Variants in SLC35D4 observed in about 807,000 individuals in gnomAD.
The protein encoded by SLC35D4 is UDP-N-acetylglucosamine transporter SLC35D4.
chr18:23,371,300 G>T, the SLC35D4 span: 4 of 706,236 alleles, frequency 5.7e-6, no homozygotes, highest in South Asian at 4.7e-5. Context: ...TCTCAAGGTT[G>T]CCCAGGCTGG....
chr18:23,324,836 G>A, the SLC35D4 span, among the ~76,000 whole-genome samples: 5 of 152,148 alleles, frequency 3.3e-5, no homozygotes, highest in Admixed American at 2.6e-4. Context: ...AGTGTGCTGT[G>A]GTTAAAGGCC....
the SLC35D4 span, among the ~76,000 whole-genome samples, chr18:23,276,149 G>A: frequency 6.6e-6 from 1 of 151,442 alleles, no homozygotes; most frequent in South Asian, 2.1e-4. Flanking sequence ...GTGCAGTGGC[G>A]CAATCTCGGC....
At chr18:23,324,880 A>G in the SLC35D4 span, among the ~76,000 whole-genome samples, 2 of 152,182 alleles carry the variant, frequency 1.3e-5, no homozygotes, top group Non-Finnish European at 2.9e-5. Context: ...GAAGAGAGTG[A>G]AAAAATCATA....
the SLC35D4 span, among the ~76,000 whole-genome samples, chr18:23,274,810 C>A: frequency 6.6e-6 from 1 of 152,240 alleles, no homozygotes; most frequent in Non-Finnish European, 1.5e-5. Context: ...GCCTCCCCCA[C>A]ACACTCCCTG....
the SLC35D4 span, among the ~76,000 whole-genome samples, chr18:23,340,343 A>AG: frequency 6.6e-6 from 1 of 152,062 alleles, no homozygotes; most frequent in Non-Finnish European, 1.5e-5. Context: ...TAAAAAAAAA[A>AG]CAAAATCAAG....
the SLC35D4 span, among the ~76,000 whole-genome samples, chr18:23,394,932 G>A: frequency 1.5e-5 from 2 of 136,702 alleles, no homozygotes; most frequent in African/African-American, 2.7e-5. Context: ...GTGGTGAGCC[G>A]AGATCACGCC....
At chr18:23,425,191 C>A in the SLC35D4 span, among the ~76,000 whole-genome samples, 1 of 152,168 alleles carries the variant, frequency 6.6e-6, no homozygotes, top group Non-Finnish European at 1.5e-5. Context: ...ACCTCCACTT[C>A]CTGGGTTCAA....
chr18:23,272,403 C>T, the SLC35D4 span, among the ~76,000 whole-genome samples: 706 of 152,200 alleles, frequency 4.6e-3, 3 homozygotes, highest in African/African-American at 0.016. Flanking sequence ...TATGATCATG[C>T]CACTGCACTC....
the SLC35D4 span, among the ~76,000 whole-genome samples, chr18:23,422,927 T>A: frequency 6.6e-6 from 1 of 152,126 alleles, no homozygotes; most frequent in Non-Finnish European, 1.5e-5. Flanking sequence ...CAAAACCCTG[T>A]TTTTCATGAT....
chr18:23,368,868 C>A, the SLC35D4 span: 1 of 650,986 alleles, frequency 1.5e-6, no homozygotes, highest in Non-Finnish European at 2.5e-6. Context: ...TATAAATTAT[C>A]CATAAATAGA....
chr18:23,345,103 TTAA>T, the SLC35D4 span, among the ~76,000 whole-genome samples: 2 of 152,068 alleles, frequency 1.3e-5, no homozygotes, highest in East Asian at 3.8e-4. Flanking sequence ...CCATTCTGAG[TTAA>T]TGATGGCGAG....
the SLC35D4 span, among the ~76,000 whole-genome samples, chr18:23,266,599 C>G: frequency 7.2e-5 from 11 of 152,204 alleles, no homozygotes; most frequent in African/African-American, 2.2e-4. Flanking sequence ...TGAAGAGGCA[C>G]AGTGGTCTCT....
chr18:23,376,871 C>A, the SLC35D4 span: 1 of 456,726 alleles, frequency 2.2e-6, no homozygotes, highest in Middle Eastern at 3.3e-4. Flanking sequence ...CTCTTTGACA[C>A]CTGCTAGTCT....
At chr18:23,370,408 G>A in the SLC35D4 span, 41 of 669,816 alleles carry the variant, frequency 6.1e-5, no homozygotes, top group East Asian at 1.1e-3. Flanking sequence ...ACACCCAGCT[G>A]ACAGGAGAAG....
the SLC35D4 span, among the ~76,000 whole-genome samples, chr18:23,240,666 C>T: frequency 6.6e-6 from 1 of 152,182 alleles, no homozygotes; most frequent in African/African-American, 2.4e-5. Context: ...GCTCACCTCC[C>T]TTAGTATTAG....
the SLC35D4 span, among the ~76,000 whole-genome samples, chr18:23,393,091 A>G: frequency 6.6e-6 from 1 of 151,834 alleles, no homozygotes; most frequent in Admixed American, 6.6e-5. Context: ...AATTTTTTGT[A>G]TTTTTAATAG....
the SLC35D4 span, among the ~76,000 whole-genome samples, chr18:23,347,486 G>A: frequency 2.6e-5 from 4 of 152,142 alleles, no homozygotes; most frequent in Middle Eastern, 3.4e-3. Context: ...GTGCAGTGGC[G>A]TGATCACGGC....
chr18:23,377,659 CAGG>C, the SLC35D4 span: 2 of 1,577,192 alleles, frequency 1.3e-6, no homozygotes, highest in Non-Finnish European at 1.7e-6. Flanking sequence ...CAGATCTTTG[CAGG>C]AGATGTTTTC....
the SLC35D4 span, among the ~76,000 whole-genome samples, chr18:23,397,343 G>A: frequency 5.9e-5 from 9 of 152,348 alleles, no homozygotes; most frequent in African/African-American, 9.6e-5. Flanking sequence ...TGGGACTCAT[G>A]CAGGAACTAC....
Sources: allele counts gnomAD v4.1 joint callset (sites outside exome capture counted in the v4.1 genomes callset), GRCh38; gene constraint gnomAD v4.1.1; transcripts MANE v1.5; gene names NCBI Gene and HGNC (gene_info 2026-07-23, HGNC 2026-07-21).